MYO10: variants seen among roughly 807,000 people sequenced by gnomAD.
The protein encoded by MYO10 is myosin X.
Under a neutral mutation model 257.3 loss-of-function variants are expected in MYO10, and 133 were observed. The observed-to-expected ratio is 0.52, with a 90% CI of 0.45 to 0.60. MYO10 has a LOEUF of 0.60. MYO10 is among the 20% of genes least tolerant of loss of function. The pLI is 0.00. For missense variants in MYO10, 2,399 were observed against 2,635.7 expected, an observed-to-expected ratio of 0.91 and a Z score of 1.97; for synonymous variants, 1,104 against 1,028.6, an observed-to-expected ratio of 1.07 and a Z score of -1.40.
intron 3 of MYO10, among the ~76,000 whole-genome samples, chr5:16,813,657 G>C (rs1742510538): frequency 2.0e-5 from 3 of 152,106 alleles, no homozygotes; most frequent in African/African-American, 7.2e-5. Flanking sequence ...CCCAGAGCCT[G>C]TGACTAGATA....
intron 1 of MYO10, among the ~76,000 whole-genome samples, chr5:16,902,032 T>C (rs1158447850): frequency 6.6e-6 from 1 of 152,184 alleles, no homozygotes. Context: ...GTTATGTTCT[T>C]ACCTTTTATT....
At chr5:16,816,796 G>T (rs1742629915) in intron 3 of MYO10, among the ~76,000 whole-genome samples, 1 of 151,698 alleles carries the variant, frequency 6.6e-6, no homozygotes, top group African/African-American at 2.4e-5. Flanking sequence ...CCAAAGTGCT[G>T]GGATTACAGG....
chr5:16,711,086 GA>G (rs1183513703), intron 20 of MYO10, 34 bp downstream of exon 20: 8 of 1,612,822 alleles, frequency 5.0e-6, no homozygotes, highest in Non-Finnish European at 6.8e-6. Flanking sequence ...CAACCCCTTT[GA>G]AAAGAAAGAG....
rs1317793234 is a variant in MYO10 at position 16,664,371 on chromosome 5, TAGAA to T, written c.*2317_*2320del. 3 of 152,204 alleles carry T rather than the reference TAGAA, an allele frequency of 2.0e-5. No individual in the cohort carries two copies. The highest frequency in any genetic ancestry group is 6.5e-5 in the Admixed American group (1 of 15,278). The allele number at this position is 152,204 out of a possible 1,614,324, so 9.4% of individuals were successfully genotyped here. ...AGAGGGAATCCTGAGAGGTGAGCAGTAGAAAGAAGACTTCTGTCAAATTCTTTCT... is the reference window on the plus strand; with the variant it reads ...AGAGGGAATCCTGAGAGGTGAGCAGTAGAAGACTTCTGTCAAATTCTTTCT... On this transcript the variant is annotated 3_prime_UTR_variant, in exon 41 of 41. Coordinates refer to ENST00000513610, the MANE Select transcript of MYO10 (RefSeq NM_012334.3).
Position 16,826,265 on chromosome 5 carries a change from C to T in MYO10, c.121-8098G>A, listed in dbSNP as rs55995421. Among the ~76,000 whole-genome samples the T allele has an allele frequency of 8.9e-3, 1,355 of 152,160 alleles. 22 individuals are homozygous for T. Among genetic ancestry groups the T allele is most frequent in the African/African-American group, 0.031 (1,287 of 41,506 alleles). The stretch of plus-strand genomic sequence containing the variant: ...TTGACCTCTCCTAGATCTATGCTAC[C>T]TATAACTTAAGGACAACAAACAAGA... On this transcript the variant is annotated intron_variant, in intron 2 of 40. Coordinates refer to ENST00000513610, the MANE Select transcript of MYO10 (RefSeq NM_012334.3).
At chr5:16,766,520 C>T (rs1360650793) in intron 10 of MYO10, among the ~76,000 whole-genome samples, 1 of 152,082 alleles carries the variant, frequency 6.6e-6, no homozygotes, top group African/African-American at 2.4e-5. Context: ...AGTTCTGCCT[C>T]CCGGGTTCAC....
At chr5:16,870,399 G>C (rs1005610594) in intron 2 of MYO10, among the ~76,000 whole-genome samples, 6 of 151,270 alleles carry the variant, frequency 4.0e-5, no homozygotes, top group Non-Finnish European at 5.9e-5. Context: ...CTCCAATGTG[G>C]TTGGTCCAGC....
At chr5:16,705,872 G>C (rs190552614) in intron 21 of MYO10, among the ~76,000 whole-genome samples, 4 of 152,062 alleles carry the variant, frequency 2.6e-5, no homozygotes, top group Non-Finnish European at 2.9e-5. Context: ...AATTATTATT[G>C]TATTATATAT....
intron 4 of MYO10, among the ~76,000 whole-genome samples, chr5:16,788,742 G>A (rs250345): frequency 0.47 from 70,784 of 151,728 alleles, 16,820 homozygotes; most frequent in African/African-American, 0.55. Context: ...AGGAGTGGCC[G>A]TGGAGAGCCA....
intron 9 of MYO10, among the ~76,000 whole-genome samples, chr5:16,778,688 G>GTTTTTTTTTT (rs55880979): frequency 1.6e-4 from 17 of 107,552 alleles, no homozygotes; most frequent in African/African-American, 5.9e-4. Flanking sequence ...CTTTGCTGAG[G>GTTTTTTTTTT]TTTTTTTTTT....
At chr5:16,798,731 T>C (rs936564402) in intron 3 of MYO10, among the ~76,000 whole-genome samples, 2 of 152,202 alleles carry the variant, frequency 1.3e-5, no homozygotes, top group African/African-American at 2.4e-5. Flanking sequence ...TGTTCATTTT[T>C]ACTGTGAAAT....
At chr5:16,690,681 C>T (rs972761078) in intron 27 of MYO10, among the ~76,000 whole-genome samples, 3 of 152,080 alleles carry the variant, frequency 2.0e-5, no homozygotes, top group Non-Finnish European at 4.4e-5. Flanking sequence ...TTCATCACAG[C>T]TCTCTCCCAG....
chr5:16,844,228 ACTC>A (rs1395144667), intron 2 of MYO10, among the ~76,000 whole-genome samples: 2 of 151,594 alleles, frequency 1.3e-5, no homozygotes, highest in Non-Finnish European at 2.9e-5. Context: ...ATTTTTATCC[ACTC>A]CTTTTTTTTC....
At chr5:16,916,341 C>T (rs906533513) in intron 1 of MYO10, 7 of 271,498 alleles carry the variant, frequency 2.6e-5, no homozygotes, top group African/African-American at 4.8e-5. Context: ...GAAAAGCACA[C>T]ATGACACTAA....
intron 29 of MYO10, among the ~76,000 whole-genome samples, chr5:16,685,003 G>T (rs139468481): frequency 1.3e-5 from 2 of 151,502 alleles, no homozygotes; most frequent in African/African-American, 4.9e-5. Flanking sequence ...CTGAGATCTC[G>T]CCACTGCACT....
At position 16,674,867 on chromosome 5, in the gene MYO10, C is replaced by T. The variant is rs764186970; in HGVS notation, c.4950G>A (p.Lys1650=). Residue 1650 remains lysine, a synonymous_variant, in exon 35 of 41, where the codon AAG becomes AAA. Coordinates refer to ENST00000513610, the MANE Select transcript of MYO10 (RefSeq NM_012334.3). The stretch of plus-strand genomic sequence containing the variant: ...CCATGCTTTACCTTTTCAGATGGAA[C>T]TTGAGATACTTGAGAATCCCTCGAC... The part of the protein sequence containing the change: ...LPSRGILKYL[K]FHLKRIREQF... The T allele has an allele frequency of 1.9e-6, 3 of 1,613,892 alleles. No homozygotes were observed. The highest frequency in any genetic ancestry group is 2.2e-5 in the South Asian group (2 of 91,074).
chr5:16,718,259 C>G lies in MYO10; in HGVS notation c.1930-7014G>C, dbSNP rs112997641. ...ACCCACTCCATGGGCTCCTGTGCGG[C>G]CGGAGCCTCCCTGACGAGCACCGCC... is the stretch of plus-strand genomic sequence containing the variant. On this transcript the variant is annotated intron_variant, in intron 19 of 40. Transcript: ENST00000513610. Among the ~76,000 whole-genome samples the G allele has an allele frequency of 3.1e-3, 474 of 152,338 alleles. 2 individuals are homozygous for G. Among genetic ancestry groups the G allele is most frequent in the African/African-American group, 0.011 (457 of 41,576 alleles).
intron 19 of MYO10, among the ~76,000 whole-genome samples, chr5:16,726,446 T>G (rs1739369617): frequency 6.6e-6 from 1 of 152,162 alleles, no homozygotes; most frequent in Non-Finnish European, 1.5e-5. Context: ...CTCTATGAGG[T>G]AGATATTATT....
rs1554002459 is a variant in MYO10 at position 16,848,155 on chromosome 5, C to CTTTTTTTTTTTTTTTCTT, written c.120+29453_120+29454insAAGAAAAAAAAAAAAAAA. ...TGATTAAGCAAAGAACTACACATTT[C>CTTTTTTTTTTTTTTTCTT]TTTTTTTTTTTTTTTTTTGTGAGAG... On this transcript the variant is annotated intron_variant, in intron 2 of 40. Transcript: ENST00000513610. 3.4e-3 allele frequency among the ~76,000 whole-genome samples: 381 copies of CTTTTTTTTTTTTTTTCTT among 113,536 alleles called. 11 individuals are homozygous for CTTTTTTTTTTTTTTTCTT. Among genetic ancestry groups the CTTTTTTTTTTTTTTTCTT allele is most frequent in the African/African-American group, 0.014 (370 of 26,704 alleles). 74.5% of individuals were successfully genotyped at this position (113,536 alleles called of 152,430 possible). A position where few individuals can be genotyped will look rare whatever the true frequency, so the allele number is the denominator to read the frequency against.
Sources: gnomAD v4.1 joint callset for allele counts (sites outside exome capture counted in the v4.1 genomes callset) on GRCh38, gnomAD v4.1.1 for gene constraint, MANE v1.5 for transcripts, NCBI Gene and HGNC (gene_info 2026-07-23, HGNC 2026-07-21) for gene names.